The following KDM4B variants were observed in gnomAD, a reference collection of about 807,000 sequenced individuals.
KDM4B encodes the protein lysine demethylase 4B.
In KDM4B, 32 loss-of-function variants were observed where a neutral mutation model predicts 125.2. That is an observed-to-expected ratio of 0.26 (90% CI 0.19 to 0.34). The LOEUF (loss-of-function observed/expected upper bound fraction) is 0.34, where lower values mean the gene tolerates loss of function less well. Among genes scored for constraint, KDM4B ranks in the 10% least tolerant of loss-of-function variants. The probability of loss-of-function intolerance (pLI) is 1.00; values close to 1 mark genes in which losing one functional copy is unlikely to be tolerated. For synonymous variants in KDM4B, 721 were observed against 677.9 expected (o/e 1.06, Z -0.99); for missense variants, 1,190 against 1,577.7 (o/e 0.75, Z 4.16).
intron 9 of KDM4B, among the ~76,000 whole-genome samples, chr19:5,103,025 C>G (rs995885091): frequency 2.6e-5 from 4 of 152,234 alleles, no homozygotes; most frequent in Non-Finnish European, 4.4e-5. Flanking sequence ...ACCCACCTCT[C>G]CCACACAGGC....
intron 6 of KDM4B, among the ~76,000 whole-genome samples, chr19:5,055,177 C>T (rs78590763): frequency 0.018 from 2,802 of 152,310 alleles, 29 homozygotes; most frequent in South Asian, 0.03. Context: ...AGCTGTGTCT[C>T]GTGATGGTGT....
chr19:5,112,542 A>G (rs2039170205), intron 10 of KDM4B: 1 of 152,348 alleles, frequency 6.6e-6, no homozygotes, highest in African/African-American at 2.4e-5. Context: ...CGCTCTGCAG[A>G]AACAGGCCTT....
intron 9 of KDM4B, among the ~76,000 whole-genome samples, chr19:5,086,958 G>A (rs1191377324): frequency 1.3e-5 from 2 of 152,244 alleles, no homozygotes; most frequent in Admixed American, 6.5e-5. Flanking sequence ...TGCAGCAGGT[G>A]GCTTACCTAC....
intron 18 of KDM4B, 86 bp downstream of exon 18, chr19:5,138,156 G>A: frequency 3.9e-6 from 4 of 1,030,382 alleles, no homozygotes; most frequent in South Asian, 1.4e-5. Context: ...GATCTGAAGC[G>A]GTCTTTCCTC....
intron 21 of KDM4B, among the ~76,000 whole-genome samples, chr19:5,148,383 C>T (rs762154617): frequency 6.6e-6 from 1 of 152,186 alleles, no homozygotes; most frequent in East Asian, 1.9e-4. Context: ...GCAGTGTGAG[C>T]GCCATCCTCC....
intron 11 of KDM4B, among the ~76,000 whole-genome samples, chr19:5,125,287 T>G (rs754463981): frequency 6.6e-6 from 1 of 152,162 alleles, no homozygotes; most frequent in Non-Finnish European, 1.5e-5. Flanking sequence ...CTGCTCTCAC[T>G]TGGGCCTCAC....
intron 5 of KDM4B, 197 bp from the exon 6 acceptor site, chr19:5,047,279 G>A: frequency 1.8e-6 from 1 of 551,378 alleles, no homozygotes; most frequent in Non-Finnish European, 3.2e-6. Context: ...ACTCCAGCCT[G>A]GGCAAGAATC....
At chr19:5,004,507 A>G (rs1322751789) in intron 1 of KDM4B, among the ~76,000 whole-genome samples, 2 of 152,186 alleles carry the variant, frequency 1.3e-5, no homozygotes, top group African/African-American at 4.8e-5. Context: ...TTCCTAGAGC[A>G]ATGCCCTCAG....
At chr19:5,122,542 A>G (rs1021891877) in intron 11 of KDM4B, among the ~76,000 whole-genome samples, 2 of 152,256 alleles carry the variant, frequency 1.3e-5, no homozygotes, top group African/African-American at 4.8e-5. Context: ...AGGCTAAGTG[A>G]TTGTTTATTA....
At chr19:4,982,810 A>G (rs994483281) in intron 1 of KDM4B, among the ~76,000 whole-genome samples, 29 of 152,056 alleles carry the variant, frequency 1.9e-4, no homozygotes, top group Admixed American at 1.5e-3. Flanking sequence ...ACAGAGTTTC[A>G]CTGTGTTGGC....
rs528091139 is a variant in KDM4B, at chr19:5,109,137, G to A, written c.919-1485G>A. On this transcript the variant is annotated intron_variant, in intron 9 of 22. Transcript: ENST00000159111. ...TTAGAGGCACGGTGCAGAGTTTCTCGAAGCTGAAAACACTCAGCGTTTGGG... is the reference window on the plus strand; with the variant it reads ...TTAGAGGCACGGTGCAGAGTTTCTCAAAGCTGAAAACACTCAGCGTTTGGG... Among the ~76,000 whole-genome samples the A allele has an allele frequency of 4.6e-5, 7 of 152,302 alleles. No homozygotes were observed. In the East Asian group the frequency reaches 7.7e-4, roughly 17 times the overall value.
chr19:5,071,929 G>A (rs1016012787), intron 7 of KDM4B, among the ~76,000 whole-genome samples: 9 of 152,222 alleles, frequency 5.9e-5, no homozygotes, highest in East Asian at 1.9e-4. Flanking sequence ...TGGCTCCTCC[G>A]CATTGGCAGG....
In KDM4B at chr19:5,110,877, G is replaced by A. The variant is rs149500571; in HGVS notation, c.1115+59G>A. The A allele has an allele frequency of 7.9e-4, 1,125 of 1,425,088 alleles. 5 individuals are homozygous for A. The highest frequency in any genetic ancestry group is 5.5e-3 in the South Asian group (409 of 74,564). The allele number at this position is 1,425,088 out of a possible 1,614,324, so 88.3% of individuals were successfully genotyped here. A position where few individuals can be genotyped will look rare whatever the true frequency, so the allele number is the denominator to read the frequency against. On this transcript the variant is annotated intron_variant, in intron 10 of 22. Transcript: ENST00000159111. ...AGCATCACGGGGGGTGGCCCTGCTG[G>A]GTGGCCCAGGCCCCTTCCCACTGGC...
intron 21 of KDM4B, 63 bp downstream of exon 21, chr19:5,144,965 C>T (rs1037806633): frequency 6.2e-7 from 1 of 1,604,118 alleles, no homozygotes; most frequent in Non-Finnish European, 8.5e-7. Flanking sequence ...GGTGCGGGGA[C>T]AGGAGGATCA....
chr19:5,031,456 G>A (rs539868437), intron 2 of KDM4B, among the ~76,000 whole-genome samples: 2 of 152,384 alleles, frequency 1.3e-5, no homozygotes, highest in African/African-American at 2.4e-5. Flanking sequence ...CTGCCCCATG[G>A]GAGAAGCTGC....
At chr19:5,061,818 C>T (rs1378628250) in intron 6 of KDM4B, among the ~76,000 whole-genome samples, 1 of 149,912 alleles carries the variant, frequency 6.7e-6, no homozygotes, top group Non-Finnish European at 1.5e-5. Flanking sequence ...GCAGCAAAGA[C>T]CCTGTCTCTT....
intron 2 of KDM4B, among the ~76,000 whole-genome samples, chr19:5,017,748 T>A (rs927089026): frequency 6.6e-6 from 1 of 152,090 alleles, no homozygotes; most frequent in African/African-American, 2.4e-5. Context: ...TTATTTATTT[T>A]TATTTTTTTT....
In KDM4B at chr19:5,010,388, G is replaced by T. The variant is rs145355090; in HGVS notation, c.-108-5869G>T. On this transcript the variant is annotated intron_variant, in intron 1 of 22. Coordinates refer to ENST00000159111, the MANE Select transcript of KDM4B (RefSeq NM_015015.3). ...CAGCGTGGTGGTGTTGACCGTGGCC[G>T]CCTGGCTGAGGCGTCGGTCAAGTTT... Among the ~76,000 whole-genome samples, 658 of 152,260 alleles carry T rather than the reference G, an allele frequency of 4.3e-3. 16 individuals carry two copies. The highest frequency in any genetic ancestry group is 0.04 in the Admixed American group (605 of 15,290).
At position 5,082,972 on chromosome 19, in the gene KDM4B, C is replaced by A. The variant is rs542753389; in HGVS notation, c.918+468C>A. The stretch of plus-strand genomic sequence containing the variant: ...CAGGAGCCCACTCAGGCATCTGCCC[C>A]CCTCCCTCCCTGCTCCCCTGTCAGT... On this transcript the variant is annotated intron_variant, in intron 9 of 22. Coordinates refer to ENST00000159111, the MANE Select transcript of KDM4B (RefSeq NM_015015.3). This position sits in a 1 kb window ranked among gnomAD's most constrained non-coding sequence, Gnocchi z 5.4. Among the ~76,000 whole-genome samples the A allele has an allele frequency of 1.4e-4, 21 of 152,174 alleles. No individual in the cohort carries two copies. The highest frequency in any genetic ancestry group is 5.1e-4 in the African/African-American group (21 of 41,440).
Sources: allele counts gnomAD v4.1 joint callset (sites outside exome capture counted in the v4.1 genomes callset), GRCh38; gene constraint gnomAD v4.1.1; non-coding constraint Gnocchi (gnomAD v3.1); transcripts MANE v1.5; gene names NCBI Gene and HGNC (gene_info 2026-07-23, HGNC 2026-07-21).